EXOC2: variants seen among roughly 807,000 people sequenced by gnomAD.
The protein encoded by EXOC2 is exocyst complex component 2.
A neutral mutation model predicts 131.8 loss-of-function variants in EXOC2; 70 were observed. The ratio of observed to expected loss-of-function variants is 0.53; its 90% confidence interval spans 0.44 to 0.65. EXOC2 has a LOEUF of 0.65. Ranked by LOEUF, EXOC2 falls within the 30% of genes least tolerant of loss-of-function variation. EXOC2 has a pLI of 0.00. For synonymous variants in EXOC2, 411 were observed against 398.4 expected, an observed-to-expected ratio of 1.03 and a Z score of -0.38; for missense variants, 923 against 1,108.6, an observed-to-expected ratio of 0.83 and a Z score of 2.38.
At chr6:505,737 C>T (rs1259737475) in intron 23 of EXOC2, among the ~76,000 whole-genome samples, 2 of 152,222 alleles carry the variant, frequency 1.3e-5, no homozygotes, top group Non-Finnish European at 2.9e-5. Context: ...CCGTACACTC[C>T]ACAGCACAGG....
At chr6:576,428 C>T (rs2476849) in intron 12 of EXOC2, among the ~76,000 whole-genome samples, 1,842 of 152,188 alleles carry the variant, frequency 0.012, 33 homozygotes, top group African/African-American at 0.042. Flanking sequence ...TCGCAAATTC[C>T]ATCTTAATGA....
intron 1 of EXOC2, among the ~76,000 whole-genome samples, chr6:690,526 A>AC (rs951212131): frequency 2.0e-5 from 3 of 151,836 alleles, no homozygotes; most frequent in Non-Finnish European, 2.9e-5. Context: ...CGACGGTGAA[A>AC]CCCCGTCTCT....
intron 1 of EXOC2, among the ~76,000 whole-genome samples, chr6:682,446 C>T (rs1026740415): frequency 6.6e-5 from 10 of 152,026 alleles, no homozygotes; most frequent in South Asian, 2.1e-4. Flanking sequence ...GTGATCTGCC[C>T]GCCTTGGCCT....
At chr6:518,933 G>C (rs142628094) in intron 23 of EXOC2, among the ~76,000 whole-genome samples, 1 of 152,298 alleles carries the variant, frequency 6.6e-6, no homozygotes, top group Non-Finnish European at 1.5e-5. Flanking sequence ...AAAGATTATT[G>C]ACTTAGGCTT....
intron 11 of EXOC2, among the ~76,000 whole-genome samples, chr6:581,263 T>A (rs1484167220): frequency 6.8e-6 from 1 of 146,166 alleles, no homozygotes; most frequent in Non-Finnish European, 1.5e-5. Context: ...ATCACCGCAC[T>A]CCAGTCTGGG....
chr6:487,939 A>T (rs1308299389), intron 27 of EXOC2, among the ~76,000 whole-genome samples: 1 of 152,222 alleles, frequency 6.6e-6, no homozygotes, highest in Admixed American at 6.5e-5. Context: ...TCCACATATG[A>T]AACGTAGCAG....
chr6:665,519 G>A (rs1374235699), intron 1 of EXOC2, among the ~76,000 whole-genome samples: 2 of 152,148 alleles, frequency 1.3e-5, no homozygotes, highest in Non-Finnish European at 2.9e-5. Context: ...TTGCAAAATC[G>A]TGGAAAACCC....
chr6:593,071 G>T (rs1759630943), intron 10 of EXOC2, among the ~76,000 whole-genome samples: 1 of 152,010 alleles, frequency 6.6e-6, no homozygotes, highest in South Asian at 2.1e-4. Flanking sequence ...AAAATAAACA[G>T]CAGAGCTTTA....
chr6:658,067 T>A (rs978368998), intron 1 of EXOC2, among the ~76,000 whole-genome samples: 19 of 152,272 alleles, frequency 1.2e-4, no homozygotes, highest in African/African-American at 4.6e-4. Flanking sequence ...TGTTATCTGT[T>A]TTTATGACTT....
At chr6:609,830 G>A (rs1000137325) in intron 7 of EXOC2, among the ~76,000 whole-genome samples, 1 of 152,172 alleles carries the variant, frequency 6.6e-6, no homozygotes, top group South Asian at 2.1e-4. Flanking sequence ...TTTATATGCT[G>A]GTTGGTTTTA....
At chr6:535,336 A>G (rs1288925819) in intron 22 of EXOC2, among the ~76,000 whole-genome samples, 1 of 152,144 alleles carries the variant, frequency 6.6e-6, no homozygotes, top group African/African-American at 2.4e-5. Flanking sequence ...CCGTACTCCA[A>G]TCTAGGTAAC....
At chr6:522,844 A>G (rs1236721483) in intron 23 of EXOC2, among the ~76,000 whole-genome samples, 1 of 152,226 alleles carries the variant, frequency 6.6e-6, no homozygotes, top group African/African-American at 2.4e-5. Flanking sequence ...AGGACTAGCA[A>G]TGGCCCAGTG....
chr6:552,255 C>A (rs929482195), intron 21 of EXOC2, among the ~76,000 whole-genome samples: 1 of 152,242 alleles, frequency 6.6e-6, no homozygotes, highest in Non-Finnish European at 1.5e-5. Context: ...GGCAGGACGT[C>A]GCTCCCTGCT....
intron 7 of EXOC2, among the ~76,000 whole-genome samples, chr6:601,239 C>A (rs1359323331): frequency 1.4e-5 from 2 of 147,260 alleles, no homozygotes; most frequent in Non-Finnish European, 3.0e-5. Context: ...AAGAACACCC[C>A]GTGTACGAAT....
At chr6:494,975 C>T (rs959778564) in intron 25 of EXOC2, among the ~76,000 whole-genome samples, 16 of 152,106 alleles carry the variant, frequency 1.1e-4, no homozygotes, top group Non-Finnish European at 2.1e-4. Flanking sequence ...ACTTCCTGGG[C>T]TCAAGCAAGC....
At chr6:562,181 C>A (rs1048817929) in intron 17 of EXOC2, among the ~76,000 whole-genome samples, 1 of 152,162 alleles carries the variant, frequency 6.6e-6, no homozygotes, top group Non-Finnish European at 1.5e-5. Flanking sequence ...GACAGAAGTC[C>A]CCCCCTGGTG....
At chr6:629,433 T>G (rs768583964) in intron 4 of EXOC2, among the ~76,000 whole-genome samples, 3 of 152,170 alleles carry the variant, frequency 2.0e-5, no homozygotes, top group African/African-American at 4.8e-5. Flanking sequence ...GAGTAGACAT[T>G]ATAGACAAAA....
In EXOC2 at chr6:616,613, A is replaced by AC. The variant is rs1761022897; in HGVS notation, c.661+1097_661+1098insG. Among the ~76,000 whole-genome samples, 5 of 151,278 alleles carry AC rather than the reference A, an allele frequency of 3.3e-5. No individual in the cohort carries two copies. The South Asian group carries it at 8.3e-4, about 25-fold the overall frequency. ...GCGAAACTCCGTCTCAAAAAAAAAAAAAAAAAAAAACTAACTTCTACCTGC... is the reference window on the plus strand; with the variant it reads ...GCGAAACTCCGTCTCAAAAAAAAAAACAAAAAAAAAACTAACTTCTACCTGC... On this transcript the variant is annotated intron_variant, in intron 6 of 27. Transcript: ENST00000230449.
chr6:517,762 T>G (rs891188544), intron 23 of EXOC2, among the ~76,000 whole-genome samples: 25 of 152,248 alleles, frequency 1.6e-4, no homozygotes, highest in African/African-American at 5.5e-4. Flanking sequence ...AAGTAAACAA[T>G]ATAAAATCAA....
Sources: allele counts gnomAD v4.1 joint callset (sites outside exome capture counted in the v4.1 genomes callset), GRCh38; gene constraint gnomAD v4.1.1; transcripts MANE v1.5; gene names NCBI Gene and HGNC (gene_info 2026-07-23, HGNC 2026-07-21).